Variants in ASB18 observed in about 807,000 individuals in gnomAD.
ASB18 encodes the protein ankyrin repeat and SOCS box protein 18.
Under a neutral mutation model 33.4 loss-of-function variants are expected in ASB18, and 33 were observed. That is an observed-to-expected ratio of 0.99 (90% CI 0.75 to 1.32). ASB18 has a LOEUF of 1.32. Ranked by LOEUF, ASB18 falls within the 40% of genes most tolerant of loss-of-function variation. ASB18 has a pLI of 0.00. For synonymous variants in ASB18, 295 were observed against 307.6 expected (o/e 0.96, Z 0.43); for missense variants, 694 against 655.5 (o/e 1.06, Z -0.64).
chr2:236,201,418 C>T (rs2060401562), intron 4 of ASB18, among the ~76,000 whole-genome samples: 1 of 152,100 alleles, frequency 6.6e-6, no homozygotes, highest in African/African-American at 2.4e-5. Flanking sequence ...TCTCCCAAAG[C>T]GCTGGGATTA....
chr2:236,241,223 A>C lies in ASB18; in HGVS notation c.328+57T>G. 13 of 1,574,614 alleles carry C rather than the reference A, an allele frequency of 8.3e-6. No homozygotes were observed. Among genetic ancestry groups the C allele is most frequent in the African/African-American group, 2.7e-5 (2 of 74,342 alleles). ...CTACACACGGGAGCCTTACACTCCC[A>C]GAGAGTATTAGTAGCCCCTTAAAAA... On this transcript the variant is annotated intron_variant, in intron 2 of 5. Coordinates refer to ENST00000409749, the MANE Select transcript of ASB18 (RefSeq NM_212556.4). This position sits in a 1 kb window ranked among gnomAD's most constrained non-coding sequence, Gnocchi z 4.2.
At chr2:236,247,484 T>C (rs2060650487) in intron 1 of ASB18, 1 of 152,170 alleles carries the variant, frequency 6.6e-6, no homozygotes, top group Non-Finnish European at 1.5e-5. Context: ...TAGGTTTCTT[T>C]CCCAGCAGCT....
chr2:236,222,026 C>T lies in ASB18; in HGVS notation c.597-7160G>A, dbSNP rs549169149. Among the ~76,000 whole-genome samples the T allele has an allele frequency of 1.3e-5, 2 of 152,232 alleles. No homozygotes were observed. The highest frequency in any genetic ancestry group is 6.5e-5 in the Admixed American group (1 of 15,286). On this transcript the variant is annotated intron_variant, in intron 3 of 5. Transcript: ENST00000409749. The surrounding 1 kb of genome is among the most constrained non-coding windows in gnomAD (Gnocchi z 5.5). ...GGGAGCCTTGGGAGGAAAACAGAGC[C>T]GTGTTTTCTAACGAAGCTGCTGCAG...
At chr2:236,206,562 A>G (rs1461384809) in intron 4 of ASB18, among the ~76,000 whole-genome samples, 1 of 152,200 alleles carries the variant, frequency 6.6e-6, no homozygotes, top group Non-Finnish European at 1.5e-5. Context: ...CCAATTCTGA[A>G]GCCTGCTACT....
Position 236,208,112 on chromosome 2 carries a change from T to C in ASB18, c.1101+6250A>G, listed in dbSNP as rs1205581124. Reference sequence around the variant, plus strand: ...GCCCAATTATTTTTGTTCTCATCCATTACTGTCACTGAGTCAGGCTTGGCA... The same window carrying C: ...GCCCAATTATTTTTGTTCTCATCCACTACTGTCACTGAGTCAGGCTTGGCA... On this transcript the variant is annotated intron_variant, in intron 4 of 5. Transcript: ENST00000409749. This position sits in a 1 kb window ranked among gnomAD's most constrained non-coding sequence, Gnocchi z 7.7. Among the ~76,000 whole-genome samples, 1 of 152,110 alleles carries C rather than the reference T, an allele frequency of 6.6e-6. No homozygotes were observed. The highest frequency in any genetic ancestry group is 1.5e-5 in the Non-Finnish European group (1 of 68,028).
rs1249155837 is a variant in ASB18 at position 236,253,547 on chromosome 2, A to C, written c.205+10594T>G. Among the ~76,000 whole-genome samples the C allele has an allele frequency of 1.3e-5, 2 of 150,998 alleles. No individual in the cohort carries two copies. Among genetic ancestry groups the C allele is most frequent in the South Asian group, 2.1e-4 (1 of 4,762 alleles). The stretch of plus-strand genomic sequence containing the variant: ...ACTTGCTGGTTAACTTATTATTATT[A>C]TTATTATTATTATTATTGTGGTGGG... On this transcript the variant is annotated intron_variant, in intron 1 of 5. Coordinates refer to ENST00000409749, the MANE Select transcript of ASB18 (RefSeq NM_212556.4). This position sits in a 1 kb window ranked among gnomAD's most constrained non-coding sequence, Gnocchi z 5.4.
In ASB18 at chr2:236,205,018, A is replaced by T. The variant is rs114510622; in HGVS notation, c.1102-8633T>A. 1.9e-3 allele frequency among the ~76,000 whole-genome samples: 295 copies of T among 152,242 alleles called. No homozygotes were observed. The highest frequency in any genetic ancestry group is 6.8e-3 in the African/African-American group (283 of 41,528). The stretch of plus-strand genomic sequence containing the variant: ...TCAGATCGCCTCCCTTGTCCACACC[A>T]CCATCACCCCTCCTGTGAATCACAG... On this transcript the variant is annotated intron_variant, in intron 4 of 5. Coordinates refer to ENST00000409749, the MANE Select transcript of ASB18 (RefSeq NM_212556.4). This position sits in a 1 kb window ranked among gnomAD's most constrained non-coding sequence, Gnocchi z 5.4.
Position 236,209,649 on chromosome 2 carries a change from T to G in ASB18, c.1101+4713A>C, listed in dbSNP as rs1227547285. Among the ~76,000 whole-genome samples, 1 of 152,196 alleles carries G rather than the reference T, an allele frequency of 6.6e-6. No individual in the cohort carries two copies. On this transcript the variant is annotated intron_variant, in intron 4 of 5. Transcript: ENST00000409749. This position sits in a 1 kb window ranked among gnomAD's most constrained non-coding sequence, Gnocchi z 4.4. ...CTGGACTGCCACCACAGCCTGTGGTTTCCATCAGCCCCCTACCTGGTGTGT... is the reference window on the plus strand; with the variant it reads ...CTGGACTGCCACCACAGCCTGTGGTGTCCATCAGCCCCCTACCTGGTGTGT...
Position 236,248,961 on chromosome 2 carries a change from C to A in ASB18, c.206-7559G>T, listed in dbSNP as rs557252041. On this transcript the variant is annotated intron_variant, in intron 1 of 5. Transcript: ENST00000409749. This position sits in a 1 kb window ranked among gnomAD's most constrained non-coding sequence, Gnocchi z 4.9. The stretch of plus-strand genomic sequence containing the variant: ...AAACAGCTATTCACTACTATGGGTT[C>A]CCCGTTTGGGGCACTAGAAGTTTCT... 1 of 152,196 alleles carries A rather than the reference C, an allele frequency of 6.6e-6. No individual in the cohort carries two copies. Among genetic ancestry groups the A allele is most frequent in the African/African-American group, 2.4e-5 (1 of 41,440 alleles). 9.4% of individuals were successfully genotyped at this position (152,196 alleles called of 1,614,324 possible). A position where few individuals can be genotyped will look rare whatever the true frequency, so the allele number is the denominator to read the frequency against.
In ASB18 at chr2:236,214,768, TC is replaced by T; in HGVS notation, c.694del (p.Asp232ThrfsTer25). 8.4e-7 allele frequency: 1 copy of T among 1,189,318 alleles called. No individual in the cohort carries two copies. Among genetic ancestry groups the T allele is most frequent in the Non-Finnish European group, 1.0e-6 (1 of 960,648 alleles). The allele number at this position is 1,189,318 out of a possible 1,614,324, so 73.7% of individuals were successfully genotyped here. ...PLHVAAQRGL[D>X]EHARLYLGRG... ...GCCCAGGTACAGGCGCGCGTGCTCG[TC>T]CAGGCCGCGCTGCGCCGCCACGTGC... On this transcript the variant is annotated frameshift_variant, in exon 4 of 6. Transcript: ENST00000409749. LOFTEE classifies it high-confidence loss of function. The surrounding 1 kb of genome is among the most constrained non-coding windows in gnomAD (Gnocchi z 6.5).
chr2:236,201,357 C>T (rs868194609), intron 4 of ASB18, among the ~76,000 whole-genome samples: 5 of 152,020 alleles, frequency 3.3e-5, no homozygotes, highest in Non-Finnish European at 7.4e-5. Context: ...TCTCACTATG[C>T]TGCCCAGGCT....
rs1377447 is a variant in ASB18 at position 236,211,066 on chromosome 2, C to T, written c.1101+3296G>A. ...AAGGAGAGGCTGAAGGAGAGAGACC[C>T]CTGAGCACAGCCTTTTATCCAGACC... is the stretch of plus-strand genomic sequence containing the variant. On this transcript the variant is annotated intron_variant, in intron 4 of 5. Transcript: ENST00000409749. This position sits in a 1 kb window ranked among gnomAD's most constrained non-coding sequence, Gnocchi z 5.0. Among the ~76,000 whole-genome samples the T allele has an allele frequency of 0.17, 26,160 of 152,074 alleles. 2,239 individuals are homozygous for T. Among genetic ancestry groups the T allele is most frequent in the South Asian group, 0.25 (1,201 of 4,816 alleles).
rs931989807 is a variant in ASB18 at position 236,259,664 on chromosome 2, G to T, written c.205+4477C>A. ...TTGGGATGGGGATGCTGACTGTAGA[G>T]CGTGGGGGGCTCAGCCTCAGTGAGC... On this transcript the variant is annotated intron_variant, in intron 1 of 5. Transcript: ENST00000409749. The surrounding 1 kb of genome is among the most constrained non-coding windows in gnomAD (Gnocchi z 4.4). 3.3e-5 allele frequency: 15 copies of T among 456,038 alleles called. No individual in the cohort carries two copies. Among genetic ancestry groups the T allele is most frequent in the African/African-American group, 3.0e-4 (15 of 49,922 alleles). 28.2% of individuals were successfully genotyped at this position (456,038 alleles called of 1,614,324 possible).
chr2:236,211,319 G>C lies in ASB18; in HGVS notation c.1101+3043C>G, dbSNP rs1363327416. Reference sequence around the variant, plus strand: ...AACTAGCGGTCAGCCAGGCAGAAAGGCCTGGCACTGTCAACACGTGGGCTT... The same window carrying C: ...AACTAGCGGTCAGCCAGGCAGAAAGCCCTGGCACTGTCAACACGTGGGCTT... On this transcript the variant is annotated intron_variant, in intron 4 of 5. Transcript: ENST00000409749. This position sits in a 1 kb window ranked among gnomAD's most constrained non-coding sequence, Gnocchi z 5.0. 6.6e-6 allele frequency among the ~76,000 whole-genome samples: 1 copy of C among 152,188 alleles called. No homozygotes were observed. The highest frequency in any genetic ancestry group is 1.5e-5 in the Non-Finnish European group (1 of 68,028).
intron 3 of ASB18, among the ~76,000 whole-genome samples, chr2:236,218,715 G>A (rs1266572147): frequency 3.3e-5 from 5 of 149,988 alleles, no homozygotes; most frequent in Admixed American, 6.7e-5. Context: ...GGAGAATGGC[G>A]TGAACCTGGG....
In ASB18 at chr2:236,196,067, C is replaced by A; in HGVS notation, c.1215+205G>T. 1 of 593,394 alleles carries A rather than the reference C, an allele frequency of 1.7e-6. No homozygotes were observed. The highest frequency in any genetic ancestry group is 3.1e-6 in the Non-Finnish European group (1 of 320,560). 36.8% of individuals were successfully genotyped at this position (593,394 alleles called of 1,614,324 possible). ...TCTGAGCTCCTTGAGGCCATGGCAC[C>A]GCAACTACTATAACAAGCTCCTGGC... On this transcript the variant is annotated intron_variant, in intron 5 of 5. Coordinates refer to ENST00000409749, the MANE Select transcript of ASB18 (RefSeq NM_212556.4). The surrounding 1 kb of genome is among the most constrained non-coding windows in gnomAD (Gnocchi z 5.6).
chr2:236,257,615 G>A lies in ASB18; in HGVS notation c.205+6526C>T, dbSNP rs2060698906. Among the ~76,000 whole-genome samples the A allele has an allele frequency of 6.6e-6, 1 of 152,196 alleles. No individual in the cohort carries two copies. Among genetic ancestry groups the A allele is most frequent in the African/African-American group, 2.4e-5 (1 of 41,460 alleles). On this transcript the variant is annotated intron_variant, in intron 1 of 5. Coordinates refer to ENST00000409749, the MANE Select transcript of ASB18 (RefSeq NM_212556.4). The surrounding 1 kb of genome is among the most constrained non-coding windows in gnomAD (Gnocchi z 5.5). ...GGGTTGTAGACAGCTTCACTGGGAA[G>A]TTTTTTCAGGGACGTTCCTGCAAAA...
Position 236,213,871 on chromosome 2 carries a change from C to T in ASB18, c.1101+491G>A, listed in dbSNP as rs1298421216. On this transcript the variant is annotated intron_variant, in intron 4 of 5. Coordinates refer to ENST00000409749, the MANE Select transcript of ASB18 (RefSeq NM_212556.4). The surrounding 1 kb of genome is among the most constrained non-coding windows in gnomAD (Gnocchi z 4.8). ...CGAATGAGAGAAGTCTGCAAATGTA[C>T]GAAGCACTCTCATTAACAAGGTGGA... The T allele has an allele frequency of 1.2e-5, 2 of 163,122 alleles. No individual in the cohort carries two copies. Among genetic ancestry groups the T allele is most frequent in the East Asian group, 1.9e-4 (1 of 5,290 alleles). 10.1% of individuals were successfully genotyped at this position (163,122 alleles called of 1,614,324 possible).
At chr2:236,261,740 G>A (rs1200030864) in intron 1 of ASB18, among the ~76,000 whole-genome samples, 1 of 152,206 alleles carries the variant, frequency 6.6e-6, no homozygotes, top group African/African-American at 2.4e-5. Context: ...TAAAGACAAT[G>A]AGGTTTAACG....
Sources: gnomAD v4.1 joint callset for allele counts (sites outside exome capture counted in the v4.1 genomes callset) on GRCh38, gnomAD v4.1.1 for gene constraint, Gnocchi (gnomAD v3.1) non-coding constraint, MANE v1.5 for transcripts, NCBI Gene and HGNC (gene_info 2026-07-23, HGNC 2026-07-21) for gene names.